ALG2: variants seen among roughly 807,000 people sequenced by gnomAD.
ALG2 encodes the protein ALG2 alpha-1,3/1,6-mannosyltransferase.
ALG2 carries 32 observed loss-of-function variants against 30.5 expected under a neutral mutation model. That is an observed-to-expected ratio of 1.05 (90% confidence interval 0.79 to 1.41). ALG2 has a LOEUF of 1.41. Ranked by LOEUF, ALG2 falls within the 40% of genes most tolerant of loss-of-function variation. The pLI, the probability that ALG2 is intolerant of heterozygous loss-of-function variation, is 0.00. For missense variants in ALG2, 574 were observed against 526.4 expected, an observed-to-expected ratio of 1.09 and a Z score of -0.88; for synonymous variants, 253 against 224.8, an observed-to-expected ratio of 1.13 and a Z score of -1.12.
At position 99,217,285 on chromosome 9, in the gene ALG2, G is replaced by A. The variant is rs1056965744; in HGVS notation, c.*649C>T. 2.9e-5 allele frequency: 13 copies of A among 453,982 alleles called. No individual in the cohort carries two copies. The highest frequency in any genetic ancestry group is 1.8e-4 in the African/African-American group (9 of 49,994). 28.1% of individuals were successfully genotyped at this position (453,982 alleles called of 1,614,324 possible). A position where few individuals can be genotyped will look rare whatever the true frequency, so the allele number is the denominator to read the frequency against. ...AATATCCACTTTACCCTAGTGTTCTGATTTCCAGTTTGGTTGTCATATCCA... is the reference window on the plus strand; with the variant it reads ...AATATCCACTTTACCCTAGTGTTCTAATTTCCAGTTTGGTTGTCATATCCA... On this transcript the variant is annotated 3_prime_UTR_variant, in exon 2 of 2. Transcript: ENST00000476832.
chr9:99,217,085 A>C lies in ALG2; in HGVS notation c.*849T>G, dbSNP rs1193702501. 2 of 454,044 alleles carry C rather than the reference A, an allele frequency of 4.4e-6. No individual in the cohort carries two copies. Among genetic ancestry groups the C allele is most frequent in the African/African-American group, 4.0e-5 (2 of 50,022 alleles). The allele number at this position is 454,044 out of a possible 1,614,324, so 28.1% of individuals were successfully genotyped here. ...GCCAGAGGGTCAAAGAAAGCTTTGC[A>C]GCAGTGGCATTTGAGCCAGGCCTTG... On this transcript the variant is annotated 3_prime_UTR_variant, in exon 2 of 2. Transcript: ENST00000476832.
At position 99,218,371 on chromosome 9, in the gene ALG2, C is replaced by T. The variant is rs1828733483; in HGVS notation, c.814G>A (p.Glu272Lys). 3.7e-6 allele frequency: 6 copies of T among 1,614,240 alleles called. No homozygotes were observed. The highest frequency in any genetic ancestry group is 5.1e-6 in the Non-Finnish European group (6 of 1,180,048). ...TGTTCCACATTCTCCAGGACTCTCT[C>T]GTCATAACCACCTGCCACGATCAGA... ...VHLIVAGGYD[E>K]RVLENVEHYQ... Residue 272 changes from glutamate to lysine, a missense_variant, in exon 2 of 2, where the codon GAG becomes AAG. Transcript: ENST00000476832.
chr9:99,220,895 G>A lies in ALG2; in HGVS notation c.348+652C>T, dbSNP rs966225552. The A allele has an allele frequency of 9.5e-5, 120 of 1,269,834 alleles. No individual in the cohort carries two copies. The African/African-American group carries it at 1.8e-3, about 19-fold the overall frequency. 78.7% of individuals were successfully genotyped at this position (1,269,834 alleles called of 1,614,324 possible). On this transcript the variant is annotated intron_variant, in intron 1 of 1. Coordinates refer to ENST00000476832, the MANE Select transcript of ALG2 (RefSeq NM_033087.4). ...AATCGAGTAAATGTTACTTTTTAAA[G>A]TCATCTTTTTTAGGATGGGGAAAAA... is the stretch of plus-strand genomic sequence containing the variant.
In ALG2 at chr9:99,218,807, C is replaced by G. The variant is rs1212380397; in HGVS notation, c.378G>C (p.Leu126=). 14 of 1,606,980 alleles carry G rather than the reference C, an allele frequency of 8.7e-6. No individual in the cohort carries two copies. The highest frequency in any genetic ancestry group is 1.2e-5 in the Non-Finnish European group (14 of 1,179,990). Residue 126 remains leucine, a synonymous_variant, in exon 2 of 2, where the codon CTG becomes CTC. Coordinates refer to ENST00000476832, the MANE Select transcript of ALG2 (RefSeq NM_033087.4). ...QVSACIPVFR[L]ARRRKKILFY... is the part of the protein sequence containing the mutation. Reference sequence around the variant, plus strand: ...ATAGGATCTTCTTCCGCCGTCTAGCCAGCCTGAACACTGGGATACAGGCAG... The same window carrying G: ...ATAGGATCTTCTTCCGCCGTCTAGCGAGCCTGAACACTGGGATACAGGCAG...
chr9:99,220,833 G>T, intron 1 of ALG2: 1 of 803,382 alleles, frequency 1.2e-6, no homozygotes, highest in Non-Finnish European at 1.7e-6. Context: ...ATAGGACGGG[G>T]CTTTTAGGTT....
At chr9:99,221,109 G>T (rs778210371) in intron 1 of ALG2, 3 of 1,363,418 alleles carry the variant, frequency 2.2e-6, no homozygotes, top group Non-Finnish European at 2.9e-6. Flanking sequence ...GCCTGGCTCC[G>T]AACACAAGGA....
chr9:99,218,020 C>G lies in ALG2; in HGVS notation c.1165G>C (p.Ala389Pro). ...EPSLKATMGL[A>P]GRARVKEKFS... Reference sequence around the variant, plus strand: ...TTTTCCTTCACTCTGGCTCTTCCAGCCAGGCCCATGGTGGCTTTTAAGGAA... The same window carrying G: ...TTTTCCTTCACTCTGGCTCTTCCAGGCAGGCCCATGGTGGCTTTTAAGGAA... The change falls in exon 2 of 2, where the codon GCT (alanine) becomes CCT (proline). Residue 389 changes from alanine (A) to proline (P), a missense_variant. By Grantham distance (27) the Ala-to-Pro change is conservative. Coordinates refer to ENST00000476832, the MANE Select transcript of ALG2 (RefSeq NM_033087.4). The G allele has an allele frequency of 1.9e-6, 3 of 1,614,218 alleles. No individual in the cohort carries two copies. Among genetic ancestry groups the G allele is most frequent in the Non-Finnish European group, 2.5e-6 (3 of 1,180,034 alleles).
Position 99,218,266 on chromosome 9 carries a change from G to T in ALG2, c.919C>A (p.Gln307Lys). 6.2e-7 allele frequency: 1 copy of T among 1,614,236 alleles called. No homozygotes were observed. Among genetic ancestry groups the T allele is most frequent in the Non-Finnish European group, 8.5e-7 (1 of 1,180,040 alleles). Residue 307 changes from glutamine (Q) to lysine (K), a missense_variant, in exon 2 of 2, where the codon CAG becomes AAG. Coordinates refer to ENST00000476832, the MANE Select transcript of ALG2 (RefSeq NM_033087.4). ...VTFLRSFSDK[Q>K]KISLLHSCTC... ...CAGCTGTGGAGGAGGGAGATTTTCTGTTTGTCTGAGAAAGACCTCAAGAAG... is the reference window on the plus strand; with the variant it reads ...CAGCTGTGGAGGAGGGAGATTTTCTTTTTGTCTGAGAAAGACCTCAAGAAG...
intron 1 of ALG2, among the ~76,000 whole-genome samples, chr9:99,220,246 C>T (rs1438031572): frequency 5.9e-5 from 9 of 152,192 alleles, no homozygotes; most frequent in Non-Finnish European, 1.3e-4. Context: ...TTCATTACAA[C>T]ACTGATCTAT....
chr9:99,221,245 G>A, intron 1 of ALG2: 2 of 1,174,198 alleles, frequency 1.7e-6, no homozygotes, highest in Non-Finnish European at 2.3e-6. Flanking sequence ...GTTTCTCAGA[G>A]CCCCAAAGAC....
Position 99,217,423 on chromosome 9 carries a change from A to G in ALG2, c.*511T>C. 1 of 454,162 alleles carries G rather than the reference A, an allele frequency of 2.2e-6. No individual in the cohort carries two copies. The highest frequency in any genetic ancestry group is 4.4e-6 in the Non-Finnish European group (1 of 226,794). 28.1% of individuals were successfully genotyped at this position (454,162 alleles called of 1,614,324 possible). A position where few individuals can be genotyped will look rare whatever the true frequency, so the allele number is the denominator to read the frequency against. ...TGTGCAAAAATACAAATTATCTTAA[A>G]AAAAATACAGAGCACTCTCGCTATG... On this transcript the variant is annotated 3_prime_UTR_variant, in exon 2 of 2. Coordinates refer to ENST00000476832, the MANE Select transcript of ALG2 (RefSeq NM_033087.4).
At chr9:99,219,580 A>G (rs1017427643) in intron 1 of ALG2, among the ~76,000 whole-genome samples, 5 of 152,226 alleles carry the variant, frequency 3.3e-5, no homozygotes, top group African/African-American at 1.2e-4. Flanking sequence ...TGCAAAACAC[A>G]TGGAGTTTAG....
rs777839339 is a variant in ALG2 at position 99,221,787 on chromosome 9, C to T, written c.108G>A (p.Ala36=). 8.1e-6 allele frequency: 13 copies of T among 1,598,272 alleles called. No individual in the cohort carries two copies. In the Admixed American group the frequency reaches 8.3e-5, roughly 10 times the overall value. ...ACCCGCGCGCCTGCAGCGCCAGCGC[C>T]GCGTCCAACACCAGCCGCTCAGCGC... is the stretch of plus-strand genomic sequence containing the variant. ...VGGAERLVLD[A]ALALQARGCS... The change falls in exon 1 of 2, where the codon GCG becomes GCA. Residue 36 remains alanine (A), a synonymous_variant. Transcript: ENST00000476832.
intron 1 of ALG2, chr9:99,220,880 A>G (rs916726091): frequency 4.5e-5 from 55 of 1,217,064 alleles, no homozygotes; most frequent in Non-Finnish European, 4.9e-5. Flanking sequence ...AATCGAGTAA[A>G]TGTTACTTTT....
chr9:99,221,525 G>T, intron 1 of ALG2, 22 bp downstream of exon 1: 11 of 1,540,472 alleles, frequency 7.1e-6, no homozygotes, highest in Non-Finnish European at 8.7e-6. Flanking sequence ...CACTCGCGCA[G>T]CCGGCCCCGC....
intron 1 of ALG2, among the ~76,000 whole-genome samples, chr9:99,219,914 C>A (rs1479713616): frequency 6.6e-6 from 1 of 152,176 alleles, no homozygotes; most frequent in Non-Finnish European, 1.5e-5. Context: ...AAAAAGAAAG[C>A]TTCCATGCAA....
chr9:99,221,098 G>A lies in ALG2; in HGVS notation c.348+449C>T, dbSNP rs767477644. On this transcript the variant is annotated intron_variant, in intron 1 of 1. Coordinates refer to ENST00000476832, the MANE Select transcript of ALG2 (RefSeq NM_033087.4). Reference sequence around the variant, plus strand: ...CACATGACACTGCTGAGGACGGTGTGGCCTGGCTCCGAACACAAGGACAGT... The same window carrying A: ...CACATGACACTGCTGAGGACGGTGTAGCCTGGCTCCGAACACAAGGACAGT... 2.9e-6 allele frequency: 4 copies of A among 1,362,416 alleles called. No homozygotes were observed. The African/African-American group carries it at 4.4e-5, about 15-fold the overall frequency. 84.4% of individuals were successfully genotyped at this position (1,362,416 alleles called of 1,614,324 possible). A position where few individuals can be genotyped will look rare whatever the true frequency, so the allele number is the denominator to read the frequency against.
intron 1 of ALG2, among the ~76,000 whole-genome samples, chr9:99,220,578 G>A (rs1385767510): frequency 1.3e-5 from 2 of 152,196 alleles, no homozygotes; most frequent in Non-Finnish European, 2.9e-5. Context: ...GGCGGAGGTT[G>A]CAGTGAGCCG....
Position 99,221,854 on chromosome 9 carries a change from T to A in ALG2, c.41A>T (p.Lys14Met). The change falls in exon 1 of 2, where the codon AAG (lysine) becomes ATG (methionine). Residue 14 changes from lysine (K) to methionine (M), a missense_variant. Lys to Met is a moderately conservative substitution (Grantham distance 95). Coordinates refer to ENST00000476832, the MANE Select transcript of ALG2 (RefSeq NM_033087.4). ...TGGGTGGAGGAACAGCACCGACGGC[T>A]TGGGAACCGAGTCCCGTTCCCGGCC... ...EQGRERDSVP[K>M]PSVLFLHPDL... is the part of the protein sequence containing the mutation. 6.3e-7 allele frequency: 1 copy of A among 1,593,610 alleles called. No homozygotes were observed. Among genetic ancestry groups the A allele is most frequent in the Non-Finnish European group, 8.5e-7 (1 of 1,177,204 alleles).
Sources: gnomAD v4.1 joint callset for allele counts (sites outside exome capture counted in the v4.1 genomes callset) on GRCh38, gnomAD v4.1.1 for gene constraint, MANE v1.5 for transcripts, NCBI Gene and HGNC (gene_info 2026-07-23, HGNC 2026-07-21) for gene names.